DNAJC21: variants seen among roughly 807,000 people sequenced by gnomAD.
The protein encoded by DNAJC21 is dnaJ homolog subfamily C member 21.
A neutral mutation model predicts 72.4 loss-of-function variants in DNAJC21; 63 were observed. That is an observed-to-expected ratio of 0.87 (90% CI 0.71 to 1.07). DNAJC21 has a LOEUF of 1.07. DNAJC21 is among the 50% of genes least tolerant of loss of function. DNAJC21 has a pLI of 0.00. For missense variants in DNAJC21, 634 were observed against 644.8 expected (o/e 0.98, Z 0.18); for synonymous variants, 203 against 216.7 (o/e 0.94, Z 0.56).
chr5:34,933,600 A>T (rs184898703), intron 1 of DNAJC21, among the ~76,000 whole-genome samples: 1 of 152,148 alleles, frequency 6.6e-6, no homozygotes, highest in African/African-American at 2.4e-5. Flanking sequence ...TTAGTGATGT[A>T]CCAAGGCTTA....
At chr5:34,954,033 C>T in intron 11 of DNAJC21, 32 bp downstream of exon 11, 1 of 1,566,952 alleles carries the variant, frequency 6.4e-7, no homozygotes, top group Non-Finnish European at 8.7e-7. Flanking sequence ...ATCTCTTTAG[C>T]ATATCTTGCT....
At chr5:34,938,556 A>C (rs540664645) in intron 5 of DNAJC21, among the ~76,000 whole-genome samples, 158 of 152,312 alleles carry the variant, frequency 1.0e-3, no homozygotes, top group Non-Finnish European at 1.0e-3. Context: ...TCCCACCCTC[A>C]TCTTTTGAAA....
intron 5 of DNAJC21, among the ~76,000 whole-genome samples, chr5:34,938,176 T>C (rs1764859500): frequency 6.6e-6 from 1 of 152,212 alleles, no homozygotes; most frequent in African/African-American, 2.4e-5. Flanking sequence ...TTGTAAAACT[T>C]AATAATTTTA....
At chr5:34,949,468 G>A in intron 9 of DNAJC21, 6 of 1,540,632 alleles carry the variant, frequency 3.9e-6, no homozygotes, top group Admixed American at 3.9e-5. Context: ...ATTTGAATGT[G>A]GGTTGTGTAA....
intron 6 of DNAJC21, among the ~76,000 whole-genome samples, chr5:34,939,503 G>A (rs1410486387): frequency 1.3e-5 from 2 of 151,520 alleles, no homozygotes; most frequent in Admixed American, 1.3e-4. Context: ...CTGACCTCGT[G>A]ATCCACCCGC....
In DNAJC21 at chr5:34,957,562, A is replaced by G. The variant is rs1360063506; in HGVS notation, c.*2848A>G. The G allele has an allele frequency of 2.0e-5, 3 of 152,188 alleles. No individual in the cohort carries two copies. The highest frequency in any genetic ancestry group is 4.4e-5 in the Non-Finnish European group (3 of 68,044). The allele number at this position is 152,188 out of a possible 1,614,324, so 9.4% of individuals were successfully genotyped here. On this transcript the variant is annotated 3_prime_UTR_variant, in exon 12 of 12. Transcript: ENST00000648817. The stretch of plus-strand genomic sequence containing the variant: ...TGATTGCTGGTGAAGTAATATTGGA[A>G]TTTTGGTACCATGAGAAGACTTATA...
At chr5:34,939,885 G>A (rs932033273) in intron 6 of DNAJC21, among the ~76,000 whole-genome samples, 36 of 152,166 alleles carry the variant, frequency 2.4e-4, no homozygotes, top group African/African-American at 8.7e-4. Flanking sequence ...TTTCAGATTC[G>A]TAGCCCAAAT....
At chr5:34,937,295 G>A (rs564266405) in intron 4 of DNAJC21, 31 bp from the exon 5 acceptor site, 20 of 1,562,488 alleles carry the variant, frequency 1.3e-5, no homozygotes, top group Non-Finnish European at 1.5e-5. Context: ...ATCTTAAAGC[G>A]CAGAAGTTAA....
intron 11 of DNAJC21, 49 bp downstream of exon 11, chr5:34,954,050 G>A (rs747176510): frequency 3.6e-5 from 55 of 1,519,110 alleles, no homozygotes; most frequent in African/African-American, 2.2e-4. Flanking sequence ...TGCTGTTTAA[G>A]CAGTATAATG....
At chr5:34,935,571 T>G in intron 2 of DNAJC21, 139 bp from the exon 3 acceptor site, 1 of 910,834 alleles carries the variant, frequency 1.1e-6, no homozygotes, top group Non-Finnish European at 1.6e-6. Context: ...CATGTTAATA[T>G]TTCATTAAAA....
chr5:34,954,355 CTTAAAG>C (rs1215349707), intron 11 of DNAJC21, among the ~76,000 whole-genome samples, 192 bp from the exon 12 acceptor site: 4 of 152,254 alleles, frequency 2.6e-5, no homozygotes, highest in Admixed American at 6.5e-5. Flanking sequence ...TCTCAGGACC[CTTAAAG>C]TTAATCGTGT....
At position 34,935,818 on chromosome 5, in the gene DNAJC21, T is replaced by C. The variant is rs1313784892; in HGVS notation, c.300T>C (p.Tyr100=). The stretch of plus-strand genomic sequence containing the variant: ...TCACCGTTACCTGTTATTCTGGTTA[T>C]GGAGATGATGAAAAGGTAAGATAAA... ...RYFTVTCYSG[Y]GDDEKGFYTV... Residue 100 remains tyrosine, a synonymous_variant, in exon 3 of 12, where the codon TAT becomes TAC. Transcript: ENST00000648817. 5 of 1,613,998 alleles carry C rather than the reference T, an allele frequency of 3.1e-6. No individual in the cohort carries two copies. Among genetic ancestry groups the C allele is most frequent in the South Asian group, 1.1e-5 (1 of 91,072 alleles).
Position 34,954,737 on chromosome 5 carries a change from T to G in DNAJC21, c.*23T>G. ...TAGAGATTCTGCCTGTGCTTTTGTTTGACTGTCTCTAGATTTTGAAACCAA... is the reference window on the plus strand; with the variant it reads ...TAGAGATTCTGCCTGTGCTTTTGTTGGACTGTCTCTAGATTTTGAAACCAA... On this transcript the variant is annotated 3_prime_UTR_variant, in exon 12 of 12. Coordinates refer to ENST00000648817, the MANE Select transcript of DNAJC21 (RefSeq NM_001012339.3). The G allele has an allele frequency of 6.5e-7, 1 of 1,547,782 alleles. No homozygotes were observed. The highest frequency in any genetic ancestry group is 2.4e-5 in the East Asian group (1 of 42,256).
chr5:34,937,742 C>A, intron 5 of DNAJC21, 112 bp downstream of exon 5: 1 of 1,244,624 alleles, frequency 8.0e-7, no homozygotes, highest in Non-Finnish European at 1.1e-6. Flanking sequence ...CTTTATCCTG[C>A]TTTTTCTTCT....
In DNAJC21 at chr5:34,956,647, T is replaced by G. The variant is rs2112114772; in HGVS notation, c.*1933T>G. ...GCAGTTAATGTACTGCAAATGTCCC[T>G]ATGACTTCTTTGCTTTCTCTTATAC... On this transcript the variant is annotated 3_prime_UTR_variant, in exon 12 of 12. Coordinates refer to ENST00000648817, the MANE Select transcript of DNAJC21 (RefSeq NM_001012339.3). 1 of 152,364 alleles carries G rather than the reference T, an allele frequency of 6.6e-6. No individual in the cohort carries two copies. The highest frequency in any genetic ancestry group is 1.9e-4 in the East Asian group (1 of 5,188). The allele number at this position is 152,364 out of a possible 1,614,324, so 9.4% of individuals were successfully genotyped here.
chr5:34,938,978 G>A lies in DNAJC21; in HGVS notation c.864G>A (p.Met288Ile). 6.2e-7 allele frequency: 1 copy of A among 1,612,742 alleles called. No homozygotes were observed. Among genetic ancestry groups the A allele is most frequent in the Admixed American group, 1.7e-5 (1 of 59,776 alleles). ...GAGATGGATCGGATGAAAATGAAAT[G>A]GAAGAACATGAACTCAAAGATGAGG... ...EFGDGSDENE[M>I]EEHELKDEED... Residue 288 changes from methionine to isoleucine, a missense_variant, in exon 6 of 12, where the codon ATG becomes ATA. Coordinates refer to ENST00000648817, the MANE Select transcript of DNAJC21 (RefSeq NM_001012339.3).
chr5:34,937,666 G>A (rs777559116), intron 5 of DNAJC21, 36 bp downstream of exon 5: 14 of 1,578,364 alleles, frequency 8.9e-6, no homozygotes, highest in Middle Eastern at 4.2e-4. Flanking sequence ...TCTCAGTATC[G>A]GTGGGGGTCA....
In DNAJC21 at chr5:34,950,393, G is replaced by A. The variant is rs756755323; in HGVS notation, c.1358+51G>A. On this transcript the variant is annotated intron_variant, in intron 10 of 11. Coordinates refer to ENST00000648817, the MANE Select transcript of DNAJC21 (RefSeq NM_001012339.3). ...TAAATTACTGAATATTGATAGTAAG[G>A]ATGTAGCTTTTCATATATCAAATAA... 1.9e-6 allele frequency: 3 copies of A among 1,561,810 alleles called. No individual in the cohort carries two copies. In the East Asian group the frequency reaches 6.8e-5, roughly 36 times the overall value.
rs541832390 is a variant in DNAJC21 at position 34,956,065 on chromosome 5, A to G, written c.*1351A>G. 67 of 151,852 alleles carry G rather than the reference A, an allele frequency of 4.4e-4. No homozygotes were observed. The highest frequency in any genetic ancestry group is 1.6e-3 in the African/African-American group (65 of 41,352). The allele number at this position is 151,852 out of a possible 1,614,324, so 9.4% of individuals were successfully genotyped here. A position where few individuals can be genotyped will look rare whatever the true frequency, so the allele number is the denominator to read the frequency against. On this transcript the variant is annotated 3_prime_UTR_variant, in exon 12 of 12. Coordinates refer to ENST00000648817, the MANE Select transcript of DNAJC21 (RefSeq NM_001012339.3). ...GAGACTCCGTCTCAAAAAAAAAAAA[A>G]AAAAAAAAAAGAAAGTAATTTTAAA...
Sources: allele counts gnomAD v4.1 joint callset (sites outside exome capture counted in the v4.1 genomes callset), GRCh38; gene constraint gnomAD v4.1.1; transcripts MANE v1.5; gene names NCBI Gene and HGNC (gene_info 2026-07-23, HGNC 2026-07-21).